Variants in AMELX observed in about 807,000 individuals in gnomAD.
AMELX encodes amelogenin X-linked, also known as amelogenin, X isoform.
Under a neutral mutation model 15.8 loss-of-function variants are expected in AMELX, and 9 were observed. The ratio of observed to expected loss-of-function variants is 0.57; its 90% CI spans 0.34 to 0.99. The LOEUF is 0.99. AMELX is among the 50% of genes least tolerant of loss of function. The probability of loss-of-function intolerance (pLI) is 0.02; values close to 1 mark genes in which losing one functional copy is unlikely to be tolerated. For missense variants in AMELX, 107 were observed against 156.2 expected, an observed-to-expected ratio of 0.68 and a Z score of 1.68; for synonymous variants, 61 against 58.8, an observed-to-expected ratio of 1.04 and a Z score of -0.17.
Position 11,293,418 on chromosome X carries a change from A to T in AMELX, c.-63A>T, listed in dbSNP as rs1301053489. 2.7e-5 allele frequency: 3 copies of T among 112,391 alleles called. No homozygotes were observed. The highest frequency in any genetic ancestry group is 5.6e-5 in the Non-Finnish European group (3 of 53,299). 9.3% of individuals were successfully genotyped at this position (112,391 alleles called of 1,213,427 possible). The stretch of plus-strand genomic sequence containing the variant: ...CTTATAGTTGGAAGAAATCTAAAGG[A>T]TCAAGCATCCCTGAGTTTCAAACAG... On this transcript the variant is annotated 5_prime_UTR_variant, in exon 1 of 6. Coordinates refer to ENST00000380714, the MANE Select transcript of AMELX (RefSeq NM_001142.2).
the AMELX span, among the ~76,000 whole-genome samples, chrX:11,306,130 G>C: frequency 9.0e-6 from 1 of 111,578 alleles, no homozygotes; most frequent in Non-Finnish European, 1.9e-5. Flanking sequence ...TGGCACTCCT[G>C]GAAGTGAGGT....
chrX:11,302,873 G>A (rs750334334), downstream of AMELX, among the ~76,000 whole-genome samples: 3 of 110,559 alleles, frequency 2.7e-5, no homozygotes, highest in Non-Finnish European at 5.7e-5. Context: ...GCAATGTCAA[G>A]TTTACCATCC....
chrX:11,298,459 T>C (rs2048121200), intron 4 of AMELX, 89 bp from the exon 5 acceptor site: 1 of 1,171,639 alleles, frequency 8.5e-7, no homozygotes, highest in African/African-American at 1.8e-5. Flanking sequence ...AAAATATTCC[T>C]ATAGCCATAA....
the AMELX span, among the ~76,000 whole-genome samples, chrX:11,307,080 G>A: frequency 3.7e-3 from 414 of 110,527 alleles, 1 homozygote; most frequent in Middle Eastern, 0.014. Flanking sequence ...ACAAAGAAAC[G>A]CAAGTCCAGT....
chrX:11,294,853 C>T lies in AMELX; in HGVS notation c.54+11C>T. ...GCTTTTGCCATGCCTGTGAGTAAAA[C>T]ACCCCTTGCATAAGTCAGTGTCCAA... On this transcript the variant is annotated intron_variant, in intron 2 of 5. Transcript: ENST00000380714. 2.5e-6 allele frequency: 3 copies of T among 1,210,117 alleles called. No homozygotes were observed. Among genetic ancestry groups the T allele is most frequent in the East Asian group, 3.0e-5 (1 of 33,834 alleles).
chrX:11,305,902 G>T, the AMELX span, among the ~76,000 whole-genome samples: 3 of 112,112 alleles, frequency 2.7e-5, no homozygotes, highest in Non-Finnish European at 5.6e-5. Context: ...TGTAAGGAGA[G>T]AAGATGATTA....
Position 11,298,695 on chromosome X carries a change from C to A in AMELX, c.292C>A (p.Gln98Lys), listed in dbSNP as rs763177333. The A allele has an allele frequency of 1.7e-6, 2 of 1,208,598 alleles. No homozygotes were observed. Among genetic ancestry groups the A allele is most frequent in the African/African-American group, 3.5e-5 (2 of 56,630 alleles). The change falls in exon 5 of 6, where the codon CAA (glutamine) becomes AAA (lysine). Residue 98 changes from glutamine to lysine, a missense_variant. Gln to Lys is a moderately conservative substitution (Grantham distance 53). Transcript: ENST00000380714. The stretch of plus-strand genomic sequence containing the variant: ...AGCTCAGCAGCCCGTGATCCCCCAG[C>A]AACCAATGATGCCCGTTCCTGGCCA... The part of the protein sequence containing the change: ...VPAQQPVIPQ[Q>K]PMMPVPGQHS...
chrX:11,294,272 T>C (rs2048044532), intron 1 of AMELX, among the ~76,000 whole-genome samples: 1 of 112,152 alleles, frequency 8.9e-6, no homozygotes, highest in Non-Finnish European at 1.9e-5. Flanking sequence ...CTAAAATCTA[T>C]CTTGGCAAAT....
intron 4 of AMELX, 72 bp from the exon 5 acceptor site, chrX:11,298,476 A>G (rs1341261289): frequency 8.4e-7 from 1 of 1,193,030 alleles, no homozygotes. Context: ...ATAATGGCAA[A>G]GAAAACACTG....
At chrX:11,306,649 T>C in the AMELX span, among the ~76,000 whole-genome samples, 1 of 112,558 alleles carries the variant, frequency 8.9e-6, no homozygotes, top group South Asian at 3.7e-4. Context: ...CACTGCCCCA[T>C]TTTTTATGAG....
At chrX:11,301,883 G>A (rs992828365), downstream of AMELX, among the ~76,000 whole-genome samples, 15 of 112,002 alleles carry the variant, frequency 1.3e-4, no homozygotes, top group Non-Finnish European at 2.8e-4. Flanking sequence ...TGGCAAATAT[G>A]GCAAATATCC....
the AMELX span, among the ~76,000 whole-genome samples, chrX:11,308,852 T>A: frequency 8.9e-6 from 1 of 112,391 alleles, no homozygotes; most frequent in Non-Finnish European, 1.9e-5. Context: ...CCAAAAGGAA[T>A]GGTGCAGAAG....
At chrX:11,305,347 A>T (rs927057554), downstream of AMELX, among the ~76,000 whole-genome samples, 1 of 112,503 alleles carries the variant, frequency 8.9e-6, no homozygotes, top group South Asian at 3.7e-4. Flanking sequence ...GTAAGAAAGC[A>T]TGTCCACCCT....
intron 2 of AMELX, among the ~76,000 whole-genome samples, chrX:11,296,433 A>G (rs1221386046): frequency 9.0e-6 from 1 of 111,344 alleles, no homozygotes; most frequent in Non-Finnish European, 1.9e-5. Context: ...GATTCATTGA[A>G]AACACTGGGC....
chrX:11,300,352 A>AC (rs34552003), intron 5 of AMELX, among the ~76,000 whole-genome samples: 1 of 111,273 alleles, frequency 9.0e-6, no homozygotes, highest in Non-Finnish European at 1.9e-5. Context: ...TGCAAGACGT[A>AC]CCCCCCAAAA....
intron 2 of AMELX, among the ~76,000 whole-genome samples, chrX:11,296,209 T>C (rs2048081185): frequency 8.9e-6 from 1 of 112,456 alleles, no homozygotes; most frequent in Non-Finnish European, 1.9e-5. Flanking sequence ...GTGGCTTCTT[T>C]TGTTGTATGG....
the AMELX span, among the ~76,000 whole-genome samples, chrX:11,308,044 T>C: frequency 8.9e-6 from 1 of 112,606 alleles, no homozygotes; most frequent in Non-Finnish European, 1.9e-5. Flanking sequence ...TTTATACCTA[T>C]GGTGGCATGT....
At chrX:11,297,193 C>T (rs1358151300) in intron 3 of AMELX, among the ~76,000 whole-genome samples, 1 of 112,009 alleles carries the variant, frequency 8.9e-6, no homozygotes, top group East Asian at 2.8e-4. Flanking sequence ...CTCTTTCCAG[C>T]TCAAAAAACT....
At chrX:11,304,564 G>C (rs2048213312), downstream of AMELX, among the ~76,000 whole-genome samples, 1 of 109,443 alleles carries the variant, frequency 9.1e-6, no homozygotes, top group African/African-American at 3.3e-5. Flanking sequence ...AGGGTAACAG[G>C]AGAGCAACAC....
Sources: gnomAD v4.1 joint callset for allele counts (sites outside exome capture counted in the v4.1 genomes callset) on GRCh38, gnomAD v4.1.1 for gene constraint, MANE v1.5 for transcripts, NCBI Gene and HGNC (gene_info 2026-07-23, HGNC 2026-07-21) for gene names.